Variants in NUP210 observed in about 807,000 individuals in gnomAD.
The protein encoded by NUP210 is nucleoporin 210, also known as nuclear pore membrane glycoprotein 210.
Under a neutral mutation model 196.0 loss-of-function variants are expected in NUP210, and 151 were observed. That is an observed-to-expected ratio of 0.77 (90% CI 0.67 to 0.88). The LOEUF (loss-of-function observed/expected upper bound fraction) is 0.88. Ranked by LOEUF, NUP210 falls within the 40% of genes least tolerant of loss-of-function variation. The pLI, the probability that NUP210 is intolerant of heterozygous loss-of-function variation, is 0.00. For missense variants in NUP210, 2,314 were observed against 2,493.7 expected (o/e 0.93, Z 1.53); for synonymous variants, 1,070 against 1,052.7 (o/e 1.02, Z -0.32).
At chr3:13,362,019 C>T (rs1006317448) in intron 14 of NUP210, among the ~76,000 whole-genome samples, 7 of 152,182 alleles carry the variant, frequency 4.6e-5, no homozygotes, top group African/African-American at 7.2e-5. Flanking sequence ...GCAGCCCAGG[C>T]GACTCTTCTC....
rs370964648 is a variant in NUP210, at chr3:13,382,012, T to A, written c.818-2291A>T. 1.4e-4 allele frequency among the ~76,000 whole-genome samples: 21 copies of A among 152,296 alleles called. No homozygotes were observed. In the South Asian group the frequency reaches 4.3e-3, roughly 32 times the overall value. On this transcript the variant is annotated intron_variant, in intron 6 of 39. Coordinates refer to ENST00000254508, the MANE Select transcript of NUP210 (RefSeq NM_024923.4). ...TACATTAGTTCTGAGCAGCCACAGT[T>A]AAGTGCCTGCCAGATTCAAAGTTCC...
chr3:13,398,178 G>A (rs144090877), intron 2 of NUP210, among the ~76,000 whole-genome samples: 123 of 152,262 alleles, frequency 8.1e-4, no homozygotes, highest in Non-Finnish European at 1.5e-3. Flanking sequence ...GGTGGCTCAC[G>A]TCTGTAATCC....
At chr3:13,391,400 C>T in intron 3 of NUP210, 93 bp from the exon 4 acceptor site, 3 of 763,518 alleles carry the variant, frequency 3.9e-6, no homozygotes, top group Non-Finnish European at 6.8e-6. Flanking sequence ...ATGCAGGAAC[C>T]ACACTCCACA....
chr3:13,389,644 G>A (rs903383326), intron 4 of NUP210, among the ~76,000 whole-genome samples: 4 of 152,220 alleles, frequency 2.6e-5, no homozygotes, highest in Non-Finnish European at 4.4e-5. Context: ...GTCAGGACAT[G>A]AGGACGTCGG....
chr3:13,383,135 ACT>A (rs1441993768), intron 6 of NUP210, among the ~76,000 whole-genome samples: 19 of 151,946 alleles, frequency 1.3e-4, no homozygotes, highest in South Asian at 6.2e-4. Flanking sequence ...ACAAAGCAAG[ACT>A]CTCTCTCAAA....
chr3:13,363,014 G>A (rs1270135715), intron 14 of NUP210, among the ~76,000 whole-genome samples: 2 of 152,200 alleles, frequency 1.3e-5, no homozygotes, highest in African/African-American at 4.8e-5. Context: ...AGTGAAGCTA[G>A]TGTGGGACCT....
intron 4 of NUP210, among the ~76,000 whole-genome samples, chr3:13,390,119 A>G (rs1170478091): frequency 6.6e-6 from 1 of 152,160 alleles, no homozygotes; most frequent in Non-Finnish European, 1.5e-5. Flanking sequence ...AGGTCTGAAG[A>G]CGGCCGGCAA....
chr3:13,362,086 T>A (rs1471931260), intron 14 of NUP210, among the ~76,000 whole-genome samples: 1 of 151,998 alleles, frequency 6.6e-6, no homozygotes, highest in Non-Finnish European at 1.5e-5. Context: ...GCCTGAGAGG[T>A]CTCCCTGATC....
chr3:13,384,439 C>T (rs989247305), intron 6 of NUP210, among the ~76,000 whole-genome samples: 3 of 152,156 alleles, frequency 2.0e-5, no homozygotes, highest in Non-Finnish European at 2.9e-5. Flanking sequence ...TGAAATCTAC[C>T]TCATAGAGCT....
At chr3:13,382,898 A>C (rs1367146897) in intron 6 of NUP210, among the ~76,000 whole-genome samples, 1 of 152,152 alleles carries the variant, frequency 6.6e-6, no homozygotes, top group Non-Finnish European at 1.5e-5. Context: ...TTATTCCAGC[A>C]CTTTGGGAAG....
At chr3:13,345,326 A>G (rs1697679113) in intron 20 of NUP210, 6 of 684,248 alleles carry the variant, frequency 8.8e-6, no homozygotes, top group Non-Finnish European at 1.1e-5. Context: ...TGAGGCCCAG[A>G]TGATGGGACA....
At position 13,350,082 on chromosome 3, in the gene NUP210, C is replaced by T. The variant is rs1198653828; in HGVS notation, c.2835+1797G>A. 6.6e-6 allele frequency among the ~76,000 whole-genome samples: 1 copy of T among 152,258 alleles called. No homozygotes were observed. Among genetic ancestry groups the T allele is most frequent in the East Asian group, 1.9e-4 (1 of 5,192 alleles). ...TCAGTGAAAGACAGCCAAAAAAAGC[C>T]CTGCAAAGGCCACAGTCATCCCAGA... is the stretch of plus-strand genomic sequence containing the variant. On this transcript the variant is annotated intron_variant, in intron 20 of 39. Coordinates refer to ENST00000254508, the MANE Select transcript of NUP210 (RefSeq NM_024923.4). The surrounding 1 kb of genome is among the most constrained non-coding windows in gnomAD (Gnocchi z 4.1).
chr3:13,386,213 G>A, intron 6 of NUP210, 62 bp downstream of exon 6: 1 of 1,570,976 alleles, frequency 6.4e-7, no homozygotes, highest in South Asian at 1.2e-5. Flanking sequence ...TTACATGTAT[G>A]TAACCACAAT....
At chr3:13,353,042 T>G (rs1698035977) in intron 18 of NUP210, among the ~76,000 whole-genome samples, 1 of 152,004 alleles carries the variant, frequency 6.6e-6, no homozygotes, top group Non-Finnish European at 1.5e-5. Flanking sequence ...AAGGGAATCC[T>G]GGTGCCAGTG....
Position 13,348,490 on chromosome 3 carries a change from T to C in NUP210, c.2835+3389A>G. The stretch of plus-strand genomic sequence containing the variant: ...TCCCTAACTTGGAACTCCCCTCTTC[T>C]TGGTAATGGGGAAGTTTTTATTAAT... On this transcript the variant is annotated intron_variant, in intron 20 of 39. Coordinates refer to ENST00000254508, the MANE Select transcript of NUP210 (RefSeq NM_024923.4). This position sits in a 1 kb window ranked among gnomAD's most constrained non-coding sequence, Gnocchi z 4.0. 1.0e-6 allele frequency: 1 copy of C among 985,396 alleles called. No individual in the cohort carries two copies. The highest frequency in any genetic ancestry group is 1.2e-6 in the Non-Finnish European group (1 of 829,898). The allele number at this position is 985,396 out of a possible 1,614,324, so 61.0% of individuals were successfully genotyped here. A position where few individuals can be genotyped will look rare whatever the true frequency, so the allele number is the denominator to read the frequency against.
At chr3:13,366,305 T>C (rs1698533374) in intron 13 of NUP210, among the ~76,000 whole-genome samples, 1 of 151,664 alleles carries the variant, frequency 6.6e-6, no homozygotes. Context: ...ATTTTTGTAT[T>C]TTTTTTAATA....
At chr3:13,366,668 C>A (rs1698548834) in intron 13 of NUP210, among the ~76,000 whole-genome samples, 3 of 151,370 alleles carry the variant, frequency 2.0e-5, no homozygotes, top group South Asian at 2.1e-4. Context: ...GAGGCATGCG[C>A]CACCACGCCC....
At chr3:13,405,907 C>T (rs1699987884) in intron 1 of NUP210, among the ~76,000 whole-genome samples, 1 of 152,158 alleles carries the variant, frequency 6.6e-6, no homozygotes, top group Admixed American at 6.5e-5. Flanking sequence ...AGATGATGCA[C>T]AGATGAGCTA....
At chr3:13,419,747 T>C (rs1441547077) in intron 1 of NUP210, among the ~76,000 whole-genome samples, 1 of 151,872 alleles carries the variant, frequency 6.6e-6, no homozygotes, top group South Asian at 2.1e-4. Context: ...CCGGCCGGCT[T>C]GGGCCCTGCG....
Sources: gnomAD v4.1 joint callset for allele counts (sites outside exome capture counted in the v4.1 genomes callset) on GRCh38, gnomAD v4.1.1 for gene constraint, Gnocchi (gnomAD v3.1) non-coding constraint, MANE v1.5 for transcripts, NCBI Gene and HGNC (gene_info 2026-07-23, HGNC 2026-07-21) for gene names.